TEX29: variants seen among roughly 807,000 people sequenced by gnomAD.
TEX29 encodes the protein testis expressed 29.
In TEX29, 26 loss-of-function variants were observed where a neutral mutation model predicts 18.2. The observed-to-expected ratio is 1.43, with a 90% CI of 1.04 to 1.98. The LOEUF (loss-of-function observed/expected upper bound fraction) is 1.98. Ranked by LOEUF, TEX29 falls within the 30% of genes most tolerant of loss-of-function variation. The pLI, the probability that TEX29 is intolerant of heterozygous loss-of-function variation, is 0.00. For missense variants in TEX29, 177 were observed against 194.2 expected (o/e 0.91, Z 0.53); for synonymous variants, 83 against 78.5 (o/e 1.06, Z -0.31).
At chr13:111,339,004 AG>A (rs926048994) in intron 3 of TEX29, among the ~76,000 whole-genome samples, 1 of 152,210 alleles carries the variant, frequency 6.6e-6, no homozygotes, top group African/African-American at 2.4e-5. Context: ...TTGCACAGAC[AG>A]GGCCCTGCCT....
At chr13:111,343,897 G>A (rs189943160) in intron 5 of TEX29, among the ~76,000 whole-genome samples, 186 bp from the exon 6 acceptor site, 54 of 152,282 alleles carry the variant, frequency 3.5e-4, no homozygotes, top group Admixed American at 7.8e-4. Context: ...GGGAGGAAGA[G>A]TGTTTTACTG....
At chr13:111,318,890 C>T (rs752347717), upstream of TEX29, among the ~76,000 whole-genome samples, 1 of 152,224 alleles carries the variant, frequency 6.6e-6, no homozygotes, top group Non-Finnish European at 1.5e-5. Context: ...TTATAAACAG[C>T]GGACACTTTT....
At chr13:111,325,869 G>A (rs1388175598) in intron 2 of TEX29, among the ~76,000 whole-genome samples, 3 of 152,234 alleles carry the variant, frequency 2.0e-5, no homozygotes, top group South Asian at 2.1e-4. Flanking sequence ...ATAATGCTTC[G>A]TTCAGTGGCA....
At chr13:111,322,061 A>G (rs1043827582) in intron 2 of TEX29, among the ~76,000 whole-genome samples, 2 of 136,190 alleles carry the variant, frequency 1.5e-5, no homozygotes, top group African/African-American at 5.0e-5. Flanking sequence ...GCACCTGCCC[A>G]CAGCAGCACC....
intron 2 of TEX29, among the ~76,000 whole-genome samples, chr13:111,321,226 A>G (rs1270803543): frequency 6.6e-6 from 1 of 152,244 alleles, no homozygotes; most frequent in Non-Finnish European, 1.5e-5. Context: ...GGTCAAAGGC[A>G]TTTTGTCCAT....
intron 2 of TEX29, among the ~76,000 whole-genome samples, chr13:111,324,502 G>A (rs2093669582): frequency 6.6e-6 from 1 of 152,218 alleles, no homozygotes; most frequent in Non-Finnish European, 1.5e-5. Flanking sequence ...ATCGGGAAAC[G>A]AGGTGGCAGA....
chr13:111,326,302 G>A (rs868553610), intron 2 of TEX29, among the ~76,000 whole-genome samples: 2 of 71,938 alleles, frequency 2.8e-5, no homozygotes, highest in African/African-American at 1.2e-4. Context: ...TGCGGGCAGT[G>A]TGAGCCTGTC....
intron 3 of TEX29, among the ~76,000 whole-genome samples, chr13:111,331,243 G>A (rs1289841776): frequency 6.6e-6 from 1 of 151,136 alleles, no homozygotes; most frequent in Non-Finnish European, 1.5e-5. Flanking sequence ...CCATTGTAAT[G>A]GGTGTGAAGT....
chr13:111,327,372 C>T (rs1353997630), intron 2 of TEX29, among the ~76,000 whole-genome samples: 6 of 152,218 alleles, frequency 3.9e-5, no homozygotes, highest in Non-Finnish European at 7.3e-5. Flanking sequence ...GCTCCCCTCC[C>T]GGCCCCTGTC....
chr13:111,331,605 GGTGTCACATCTAAGAAACCAT>G (rs2093682873), intron 3 of TEX29, among the ~76,000 whole-genome samples: 1 of 151,772 alleles, frequency 6.6e-6, no homozygotes, highest in African/African-American at 2.4e-5. Flanking sequence ...CTTGTGCTTT[GGTGTCACATCTAAGAAACCAT>G]TGCCTAATCC....
At position 111,342,951 on chromosome 13, in the gene TEX29, A is replaced by G. The variant is rs1022881604; in HGVS notation, c.415+20A>G. 2.5e-6 allele frequency: 4 copies of G among 1,611,582 alleles called. No homozygotes were observed. The African/African-American group carries it at 5.3e-5, about 22-fold the overall frequency. On this transcript the variant is annotated intron_variant, in intron 5 of 5. Coordinates refer to ENST00000283547, the MANE Select transcript of TEX29 (RefSeq NM_152324.3). ...ATGATGGTGAGAAGCTTCTGGAATG[A>G]TCCTCAGCCTAAGGTCAAGGGCGTG...
At chr13:111,325,075 C>A (rs2093670618) in intron 2 of TEX29, among the ~76,000 whole-genome samples, 2 of 152,196 alleles carry the variant, frequency 1.3e-5, no homozygotes, top group African/African-American at 4.8e-5. Context: ...TCCACGGGCC[C>A]CCATCTCACC....
chr13:111,317,439 T>C (rs1171046510), upstream of TEX29, among the ~76,000 whole-genome samples: 1 of 152,142 alleles, frequency 6.6e-6, no homozygotes, highest in Admixed American at 6.5e-5. Context: ...GCCCTGGTGC[T>C]CAGGGTGGGG....
chr13:111,321,648 G>A (rs60347947), intron 2 of TEX29, among the ~76,000 whole-genome samples: 5,848 of 151,972 alleles, frequency 0.038, 365 homozygotes, highest in African/African-American at 0.13. Context: ...AAGAAAATCG[G>A]ATGGGCGTGG....
At chr13:111,320,807 C>T (rs1359915963) in intron 1 of TEX29, 45 bp downstream of exon 1, 1 of 1,581,798 alleles carries the variant, frequency 6.3e-7, no homozygotes, top group Non-Finnish European at 8.7e-7. Context: ...GCCCGCTCCC[C>T]AAACGACGTC....
intron 3 of TEX29, chr13:111,339,365 G>T (rs1020869295): frequency 8.8e-6 from 4 of 455,186 alleles, no homozygotes; most frequent in Non-Finnish European, 1.8e-5. Flanking sequence ...AGGAACAGAG[G>T]GGCCAGCGCC....
At chr13:111,328,031 A>G in intron 2 of TEX29, 152 bp from the exon 3 acceptor site, 1 of 589,334 alleles carries the variant, frequency 1.7e-6, no homozygotes, top group South Asian at 2.1e-5. Context: ...CTTAGTTTCA[A>G]ATAAAGATTT....
chr13:111,323,075 C>T (rs2093667303), intron 2 of TEX29, among the ~76,000 whole-genome samples: 1 of 152,248 alleles, frequency 6.6e-6, no homozygotes, highest in South Asian at 2.1e-4. Flanking sequence ...GCAGTGCAGA[C>T]TCTGGCCTCC....
At chr13:111,329,714 G>C (rs2093679816) in intron 3 of TEX29, among the ~76,000 whole-genome samples, 1 of 152,126 alleles carries the variant, frequency 6.6e-6, no homozygotes, top group Non-Finnish European at 1.5e-5. Flanking sequence ...GGGAAGAGGG[G>C]CTTAAAAAGA....
Sources: allele counts gnomAD v4.1 joint callset (sites outside exome capture counted in the v4.1 genomes callset), GRCh38; gene constraint gnomAD v4.1.1; transcripts MANE v1.5; gene names NCBI Gene and HGNC (gene_info 2026-07-23, HGNC 2026-07-21).